Variants in ADD3 observed in about 807,000 individuals in gnomAD.
The protein encoded by ADD3 is gamma-adducin.
In ADD3, 25 loss-of-function variants were observed where a neutral mutation model predicts 80.2. The ratio of observed to expected loss-of-function variants is 0.31; its 90% CI spans 0.23 to 0.44. The LOEUF (loss-of-function observed/expected upper bound fraction) is 0.44. Among genes scored for constraint, ADD3 ranks in the 20% least tolerant of loss-of-function variants. The pLI is 1.00. For missense variants in ADD3, 829 were observed against 847.5 expected (o/e 0.98, Z 0.27); for synonymous variants, 284 against 289.6 (o/e 0.98, Z 0.20).
intron 1 of ADD3, among the ~76,000 whole-genome samples, chr10:110,051,356 T>A (rs894786832): frequency 1.3e-5 from 2 of 152,174 alleles, no homozygotes; most frequent in Non-Finnish European, 2.9e-5. Context: ...TAGAAACTGC[T>A]GCTTGTAATG....
intron 2 of ADD3, among the ~76,000 whole-genome samples, chr10:110,110,562 AG>A (rs1849889276): frequency 6.6e-6 from 1 of 152,218 alleles, no homozygotes. Flanking sequence ...CAGCTCTTAG[AG>A]TTCACATCAT....
intron 1 of ADD3, among the ~76,000 whole-genome samples, chr10:110,087,449 T>C (rs1345430116): frequency 6.6e-6 from 1 of 152,252 alleles, no homozygotes; most frequent in Admixed American, 6.5e-5. Context: ...TAGAGCCTGC[T>C]GCATCTTTAA....
intron 2 of ADD3, among the ~76,000 whole-genome samples, chr10:110,102,384 G>A (rs1281353723): frequency 1.3e-5 from 2 of 152,178 alleles, no homozygotes; most frequent in African/African-American, 2.4e-5. Flanking sequence ...CAAGGCAAGA[G>A]GATTGCTTGA....
chr10:110,124,359 TG>T, intron 10 of ADD3, 85 bp downstream of exon 10: 1 of 1,447,944 alleles, frequency 6.9e-7, no homozygotes, highest in South Asian at 1.3e-5. Flanking sequence ...TGAAAATATT[TG>T]GAAAGTAAAA....
chr10:110,078,985 C>T (rs1312930512), intron 1 of ADD3, among the ~76,000 whole-genome samples: 1 of 152,128 alleles, frequency 6.6e-6, no homozygotes, highest in Non-Finnish European at 1.5e-5. Context: ...TTCCTAAATA[C>T]ATAATATAAA....
At chr10:110,030,671 T>C (rs555111811) in intron 1 of ADD3, among the ~76,000 whole-genome samples, 10 of 151,594 alleles carry the variant, frequency 6.6e-5, no homozygotes, top group Non-Finnish European at 1.3e-4. Context: ...GCTTGAAATG[T>C]GGCTAGTCCT....
At chr10:110,015,067 G>T (rs566620541) in intron 1 of ADD3, among the ~76,000 whole-genome samples, 1 of 152,114 alleles carries the variant, frequency 6.6e-6, no homozygotes, top group Non-Finnish European at 1.5e-5. Context: ...TAGAGATGGG[G>T]TTTCACCATG....
intron 5 of ADD3, among the ~76,000 whole-genome samples, chr10:110,118,080 C>G (rs941445804): frequency 1.4e-5 from 2 of 140,554 alleles, no homozygotes; most frequent in African/African-American, 5.2e-5. Flanking sequence ...ACACAATGTT[C>G]ATAGCTAGAT....
At chr10:109,999,930 T>TC (rs1209018363) in intron 1 of ADD3, among the ~76,000 whole-genome samples, 1 of 151,142 alleles carries the variant, frequency 6.6e-6, no homozygotes, top group East Asian at 1.9e-4. Flanking sequence ...TTTTTTTTTT[T>TC]TTTTTTTGAG....
chr10:110,000,169 C>T (rs950186154), intron 1 of ADD3, among the ~76,000 whole-genome samples: 2 of 152,196 alleles, frequency 1.3e-5, no homozygotes, highest in Non-Finnish European at 2.9e-5. Flanking sequence ...ATCCGCCCAC[C>T]TTGGCCTCCC....
intron 11 of ADD3, 93 bp from the exon 12 acceptor site, chr10:110,126,324 A>T: frequency 1.1e-6 from 1 of 931,678 alleles, no homozygotes; most frequent in Non-Finnish European, 1.7e-6. Context: ...CACTCTGGAA[A>T]TGTCAAGTAG....
At chr10:110,010,864 T>G (rs1181052315) in intron 1 of ADD3, among the ~76,000 whole-genome samples, 2 of 152,206 alleles carry the variant, frequency 1.3e-5, no homozygotes, top group African/African-American at 4.8e-5. Context: ...CTTCATAGTA[T>G]TCCCACGACT....
Position 110,133,312 on chromosome 10 carries a change from C to T in ADD3, c.1829-14C>T, listed in dbSNP as rs775202288. The T allele has an allele frequency of 1.6e-5, 25 of 1,558,142 alleles. No individual in the cohort carries two copies. The highest frequency in any genetic ancestry group is 2.1e-5 in the Non-Finnish European group (24 of 1,147,476). ...TATGTAAAATAACCCCCAAAAAACC[C>T]TCCCCTTTCGTAGAAAACCATGAGC... On this transcript the variant is annotated splice_polypyrimidine_tract_variant and intron_variant, in intron 14 of 14. Transcript: ENST00000356080.
In ADD3 at chr10:110,047,025, C is replaced by G. The variant is rs534989472; in HGVS notation, c.-30+38726C>G. On this transcript the variant is annotated intron_variant, in intron 1 of 14. Coordinates refer to ENST00000356080, the MANE Select transcript of ADD3 (RefSeq NM_016824.5). ...CTGACTACTGAGATGTAGTAGTTTT[C>G]ACCCCAGAGACAGCAGAATGGAATT... Among the ~76,000 whole-genome samples, 4 of 152,204 alleles carry G rather than the reference C, an allele frequency of 2.6e-5. No individual in the cohort carries two copies. The South Asian group carries it at 8.3e-4, about 32-fold the overall frequency.
chr10:110,116,205 C>T, intron 3 of ADD3, 54 bp from the exon 4 acceptor site: 1 of 1,584,708 alleles, frequency 6.3e-7, no homozygotes, highest in Non-Finnish European at 8.6e-7. Flanking sequence ...CAACTAATTT[C>T]CAGGTAAGGG....
At chr10:110,108,877 A>T (rs1046567868) in intron 2 of ADD3, among the ~76,000 whole-genome samples, 28 of 151,952 alleles carry the variant, frequency 1.8e-4, no homozygotes, top group African/African-American at 5.1e-4. Flanking sequence ...TTGAAAAAAA[A>T]TTTTTTTTAT....
At position 110,082,868 on chromosome 10, in the gene ADD3, T is replaced by C. The variant is rs573911605; in HGVS notation, c.-29-17757T>C. ...CAGCTTAAGACATTTCATATTCAGGTCACAATATTCATTACCTCAACCATC... is the reference window on the plus strand; with the variant it reads ...CAGCTTAAGACATTTCATATTCAGGCCACAATATTCATTACCTCAACCATC... On this transcript the variant is annotated intron_variant, in intron 1 of 14. Coordinates refer to ENST00000356080, the MANE Select transcript of ADD3 (RefSeq NM_016824.5). Among the ~76,000 whole-genome samples the C allele has an allele frequency of 4.6e-5, 7 of 152,336 alleles. No individual in the cohort carries two copies. The South Asian group carries it at 1.5e-3, about 32-fold the overall frequency.
chr10:110,037,304 C>G (rs1441022214), intron 1 of ADD3, among the ~76,000 whole-genome samples: 4 of 152,154 alleles, frequency 2.6e-5, no homozygotes, highest in Non-Finnish European at 5.9e-5. Context: ...CCACACAGTT[C>G]AGCTTCTTAA....
chr10:110,042,741 C>T (rs1203747171), intron 1 of ADD3, among the ~76,000 whole-genome samples: 1 of 143,018 alleles, frequency 7.0e-6, no homozygotes, highest in Non-Finnish European at 1.5e-5. Context: ...GGAACCAAAT[C>T]GAATTCTCCT....
Sources: allele counts gnomAD v4.1 joint callset (sites outside exome capture counted in the v4.1 genomes callset), GRCh38; gene constraint gnomAD v4.1.1; transcripts MANE v1.5; gene names NCBI Gene and HGNC (gene_info 2026-07-23, HGNC 2026-07-21).